The following VGLL3 variants were observed in gnomAD, a reference collection of about 807,000 sequenced individuals.
The protein encoded by VGLL3 is transcription cofactor vestigial-like protein 3.
Under a neutral mutation model 29.2 loss-of-function variants are expected in VGLL3, and 18 were observed. The observed-to-expected ratio is 0.62, with a 90% CI of 0.43 to 0.91. The LOEUF (loss-of-function observed/expected upper bound fraction) is 0.91, where lower values mean the gene tolerates loss of function less well. VGLL3 is among the 40% of genes least tolerant of loss of function. The probability of loss-of-function intolerance (pLI) is 0.00; values close to 1 mark genes in which losing one functional copy is unlikely to be tolerated. For missense variants in VGLL3, 440 were observed against 413.2 expected (o/e 1.06, Z -0.56); for synonymous variants, 180 against 151.8 (o/e 1.19, Z -1.36).
chr3:86,978,037 A>G (rs1705245596), intron 2 of VGLL3, among the ~76,000 whole-genome samples: 1 of 152,220 alleles, frequency 6.6e-6, no homozygotes, highest in South Asian at 2.1e-4. Context: ...GTATACTATA[A>G]AGAGTTAATA....
In VGLL3 at chr3:86,943,905, C is replaced by G. The variant is rs1488200015; in HGVS notation, c.*3119G>C. The G allele has an allele frequency of 2.6e-5, 4 of 152,040 alleles. No homozygotes were observed. The highest frequency in any genetic ancestry group is 9.7e-5 in the African/African-American group (4 of 41,392). 9.4% of individuals were successfully genotyped at this position (152,040 alleles called of 1,614,324 possible). On this transcript the variant is annotated 3_prime_UTR_variant, in exon 4 of 4. Coordinates refer to ENST00000398399, the MANE Select transcript of VGLL3 (RefSeq NM_016206.4). ...GATATTTAGAAAGCTTGAATAAAAT[C>G]TGATTTGTAAAATCAGACAAAAGTC...
chr3:86,945,089 A>T lies in VGLL3; in HGVS notation c.*1935T>A, dbSNP rs1704478071. 1.3e-5 allele frequency: 2 copies of T among 152,234 alleles called. No individual in the cohort carries two copies. Among genetic ancestry groups the T allele is most frequent in the Non-Finnish European group, 2.9e-5 (2 of 68,042 alleles). The allele number at this position is 152,234 out of a possible 1,614,324, so 9.4% of individuals were successfully genotyped here. On this transcript the variant is annotated 3_prime_UTR_variant, in exon 4 of 4. Transcript: ENST00000398399. ...TAACCTGGCTACTCCCAGGAAATAT[A>T]AGTTCATATTATTAGTGAGTGGAAG... is the stretch of plus-strand genomic sequence containing the variant.
At chr3:86,987,081 G>T (rs1275599693) in intron 1 of VGLL3, among the ~76,000 whole-genome samples, 1 of 152,110 alleles carries the variant, frequency 6.6e-6, no homozygotes, top group Non-Finnish European at 1.5e-5. Flanking sequence ...ATTGTACAAA[G>T]ATGCTACACC....
At chr3:86,987,078 A>T (rs1029142610) in intron 1 of VGLL3, among the ~76,000 whole-genome samples, 3 of 152,198 alleles carry the variant, frequency 2.0e-5, no homozygotes, top group African/African-American at 7.2e-5. Context: ...GTCATTGTAC[A>T]AAGATGCTAC....
At position 86,969,142 on chromosome 3, in the gene VGLL3, A is replaced by T; in HGVS notation, c.404-19T>A. The T allele has an allele frequency of 6.5e-7, 1 of 1,540,274 alleles. No individual in the cohort carries two copies. Among genetic ancestry groups the T allele is most frequent in the East Asian group, 2.3e-5 (1 of 44,170 alleles). On this transcript the variant is annotated intron_variant, in intron 2 of 3. Coordinates refer to ENST00000398399, the MANE Select transcript of VGLL3 (RefSeq NM_016206.4). ...GAGCTGTCTGAGAAGACAGAAAATA[A>T]AAAACATTATTAACATAAGACTCAG...
intron 1 of VGLL3, among the ~76,000 whole-genome samples, chr3:86,985,869 C>T (rs1190475748): frequency 6.6e-6 from 1 of 152,088 alleles, no homozygotes; most frequent in Non-Finnish European, 1.5e-5. Flanking sequence ...GACACAGAGC[C>T]TATGGAAGTG....
At chr3:86,977,055 C>T (rs145635052) in intron 2 of VGLL3, among the ~76,000 whole-genome samples, 492 of 152,236 alleles carry the variant, frequency 3.2e-3, no homozygotes, top group Non-Finnish European at 5.7e-3. Context: ...TCATAGTAAG[C>T]CCATATTATT....
intron 3 of VGLL3, among the ~76,000 whole-genome samples, chr3:86,961,568 A>C (rs749887448): frequency 2.2e-4 from 34 of 152,112 alleles, no homozygotes; most frequent in Non-Finnish European, 3.8e-4. Flanking sequence ...AATGCCTGGT[A>C]ATATGTTGTA....
intron 3 of VGLL3, among the ~76,000 whole-genome samples, chr3:86,955,702 T>G (rs1704707212): frequency 6.6e-6 from 1 of 152,178 alleles, no homozygotes; most frequent in African/African-American, 2.4e-5. Context: ...CATCTCACTT[T>G]TATGTGACAT....
chr3:86,974,872 C>T (rs1247073120), intron 2 of VGLL3, among the ~76,000 whole-genome samples: 1 of 152,016 alleles, frequency 6.6e-6, no homozygotes, highest in Non-Finnish European at 1.5e-5. Flanking sequence ...TGTTTTGTAC[C>T]AAAAACACAA....
At chr3:86,965,903 C>T (rs551848314) in intron 3 of VGLL3, among the ~76,000 whole-genome samples, 1 of 152,292 alleles carries the variant, frequency 6.6e-6, no homozygotes, top group East Asian at 1.9e-4. Context: ...GCCCTGAGAA[C>T]ATTACCCCAT....
chr3:86,958,436 T>C (rs1229903618), intron 3 of VGLL3, among the ~76,000 whole-genome samples: 1 of 152,226 alleles, frequency 6.6e-6, no homozygotes, highest in African/African-American at 2.4e-5. Flanking sequence ...ATTTGTATTA[T>C]TATGCAAGCA....
intron 3 of VGLL3, among the ~76,000 whole-genome samples, chr3:86,954,219 C>T (rs1002284484): frequency 6.6e-6 from 1 of 152,140 alleles, no homozygotes; most frequent in African/African-American, 2.4e-5. Flanking sequence ...AATGTAAAAC[C>T]CACTGAAGCT....
chr3:86,959,732 A>C (rs1279606150), intron 3 of VGLL3, among the ~76,000 whole-genome samples: 1 of 152,098 alleles, frequency 6.6e-6, no homozygotes, highest in Non-Finnish European at 1.5e-5. Context: ...AAAGCTCCAT[A>C]ATTTTAATAA....
intron 3 of VGLL3, among the ~76,000 whole-genome samples, chr3:86,955,656 G>T (rs1487888856): frequency 1.3e-5 from 2 of 152,144 alleles, no homozygotes; most frequent in African/African-American, 4.8e-5. Context: ...CTCCCAAAGT[G>T]TTGGGATTAC....
chr3:86,959,860 A>G (rs1432397968), intron 3 of VGLL3, among the ~76,000 whole-genome samples: 9 of 152,194 alleles, frequency 5.9e-5, no homozygotes, highest in Non-Finnish European at 1.3e-4. Context: ...GGTTAGCACC[A>G]GACCACCTAA....
intron 1 of VGLL3, among the ~76,000 whole-genome samples, chr3:86,988,121 A>C (rs1449400547): frequency 2.0e-5 from 3 of 152,196 alleles, no homozygotes; most frequent in African/African-American, 7.2e-5. Flanking sequence ...TGACAGATAC[A>C]CTACTACAAT....
At position 86,978,734 on chromosome 3, in the gene VGLL3, C is replaced by T; in HGVS notation, c.195G>A (p.Glu65=). Residue 65 remains glutamate, a synonymous_variant, in exon 2 of 4, where the codon GAG becomes GAA. Coordinates refer to ENST00000398399, the MANE Select transcript of VGLL3 (RefSeq NM_016206.4). Reference sequence around the variant, plus strand: ...CCTCCTCCTCCTCCTCCTCATCCTCCTCCTCTTGTTTGCTGGGAAGGGTGA... The same window carrying T: ...CCTCCTCCTCCTCCTCCTCATCCTCTTCCTCTTGTTTGCTGGGAAGGGTGA... ...LEVTLPSKQE[E]EDEEEEEEEK... The T allele has an allele frequency of 3.7e-6, 6 of 1,614,110 alleles. No homozygotes were observed. The highest frequency in any genetic ancestry group is 1.3e-5 in the African/African-American group (1 of 75,038).
intron 3 of VGLL3, among the ~76,000 whole-genome samples, chr3:86,951,949 C>A (rs2106967371): frequency 6.6e-6 from 1 of 152,154 alleles, no homozygotes; most frequent in South Asian, 2.1e-4. Context: ...TTAGAAAGAA[C>A]ATTAGAAAGA....
Sources: allele counts gnomAD v4.1 joint callset (sites outside exome capture counted in the v4.1 genomes callset), GRCh38; gene constraint gnomAD v4.1.1; transcripts MANE v1.5; gene names NCBI Gene and HGNC (gene_info 2026-07-23, HGNC 2026-07-21).